Variants in TMTC1 observed in about 807,000 individuals in gnomAD.
The protein encoded by TMTC1 is transmembrane O-mannosyltransferase targeting cadherins 1.
A neutral mutation model predicts 104.8 loss-of-function variants in TMTC1; 73 were observed. The ratio of observed to expected loss-of-function variants is 0.70; its 90% CI spans 0.58 to 0.85. The LOEUF is 0.85. TMTC1 is among the 40% of genes least tolerant of loss of function. The pLI, the probability that TMTC1 is intolerant of heterozygous loss-of-function variation, is 0.00. For synonymous variants in TMTC1, 434 were observed against 428.7 expected (o/e 1.01, Z -0.15); for missense variants, 1,035 against 1,096.1 (o/e 0.94, Z 0.79).
intron 5 of TMTC1, among the ~76,000 whole-genome samples, chr12:29,744,082 G>C (rs993889529): frequency 3.3e-5 from 5 of 152,172 alleles, no homozygotes; most frequent in Admixed American, 6.5e-5. Context: ...AACCAGAAAT[G>C]CCTATGTTCT....
chr12:29,633,477 C>G, intron 5 of TMTC1, 141 bp from the exon 6 acceptor site: 3 of 701,366 alleles, frequency 4.3e-6, no homozygotes, highest in Non-Finnish European at 6.8e-6. Flanking sequence ...AGATGGAAAG[C>G]CATTCACTCA....
intron 7 of TMTC1, among the ~76,000 whole-genome samples, chr12:29,597,352 G>C (rs1204874445): frequency 6.7e-6 from 1 of 150,366 alleles, no homozygotes; most frequent in Non-Finnish European, 1.5e-5. Flanking sequence ...TAAGATGACA[G>C]GTGTGAGCCA....
At chr12:29,766,120 G>A (rs921332071) in intron 2 of TMTC1, among the ~76,000 whole-genome samples, 4 of 152,146 alleles carry the variant, frequency 2.6e-5, no homozygotes, top group Non-Finnish European at 5.9e-5. Context: ...TCCACTTAAA[G>A]GCACCTTGCT....
intron 6 of TMTC1, among the ~76,000 whole-genome samples, chr12:29,608,332 A>G (rs1311070986): frequency 6.6e-6 from 1 of 152,200 alleles, no homozygotes. Flanking sequence ...TACCCTAACA[A>G]AATATGAGGA....
intron 1 of TMTC1, among the ~76,000 whole-genome samples, chr12:29,780,891 A>G (rs1477028375): frequency 6.6e-6 from 1 of 152,214 alleles, no homozygotes; most frequent in Non-Finnish European, 1.5e-5. Flanking sequence ...TTTTGCTCAA[A>G]CAAGCATAAT....
intron 7 of TMTC1, 75 bp downstream of exon 7, chr12:29,604,103 G>A: frequency 6.3e-7 from 1 of 1,586,028 alleles, no homozygotes; most frequent in South Asian, 1.1e-5. Context: ...ACACACAGAA[G>A]ACTGTCTCTC....
intron 2 of TMTC1, among the ~76,000 whole-genome samples, chr12:29,761,252 A>G (rs1471665816): frequency 6.6e-6 from 1 of 151,268 alleles, no homozygotes; most frequent in Admixed American, 6.6e-5. Flanking sequence ...AGAAATGACT[A>G]ATGCTTTCAG....
At position 29,782,525 on chromosome 12, in the gene TMTC1, G is replaced by T. The variant is rs142694588; in HGVS notation, c.302+925C>A. 6.6e-5 allele frequency among the ~76,000 whole-genome samples: 10 copies of T among 152,312 alleles called. No individual in the cohort carries two copies. In the East Asian group the frequency reaches 1.7e-3, roughly 26 times the overall value. On this transcript the variant is annotated intron_variant, in intron 1 of 17. Coordinates refer to ENST00000539277, the MANE Select transcript of TMTC1 (RefSeq NM_001193451.2). Reference sequence around the variant, plus strand: ...TTATTTCAACAGTTTTGACCGGCGCGTTAAAATGAACTTCAATGCTGAGCC... The same window carrying T: ...TTATTTCAACAGTTTTGACCGGCGCTTTAAAATGAACTTCAATGCTGAGCC...
intron 1 of TMTC1, among the ~76,000 whole-genome samples, chr12:29,779,461 T>C (rs542781355): frequency 1.3e-5 from 2 of 151,258 alleles, no homozygotes; most frequent in East Asian, 1.9e-4. Context: ...CTGCAACCCA[T>C]TTCCTCATTT....
At chr12:29,539,673 T>G (rs1592198032) in intron 10 of TMTC1, among the ~76,000 whole-genome samples, 1 of 152,356 alleles carries the variant, frequency 6.6e-6, no homozygotes, top group African/African-American at 2.4e-5. Flanking sequence ...ACCTTACAAA[T>G]CACTGCGTGT....
intron 6 of TMTC1, among the ~76,000 whole-genome samples, chr12:29,604,776 A>G (rs1946654696): frequency 6.6e-6 from 1 of 152,242 alleles, no homozygotes; most frequent in Admixed American, 6.5e-5. Context: ...TAACATCAAG[A>G]AAATCAAATA....
At chr12:29,543,332 T>C (rs1032607112) in intron 10 of TMTC1, among the ~76,000 whole-genome samples, 2 of 152,242 alleles carry the variant, frequency 1.3e-5, no homozygotes, top group African/African-American at 4.8e-5. Flanking sequence ...GGTAAGTTTG[T>C]CAATTTAGAG....
chr12:29,619,886 T>A (rs1947085077), intron 6 of TMTC1, among the ~76,000 whole-genome samples: 1 of 152,228 alleles, frequency 6.6e-6, no homozygotes, highest in Admixed American at 6.5e-5. Flanking sequence ...GTGTTACTAC[T>A]ATTACCTCTT....
chr12:29,594,162 C>G (rs1392371554), intron 7 of TMTC1, among the ~76,000 whole-genome samples: 6 of 152,202 alleles, frequency 3.9e-5, no homozygotes, highest in African/African-American at 1.2e-4. Context: ...GACCTTTGAT[C>G]AAAGCTGAGT....
chr12:29,594,190 C>CA (rs1946351523), intron 7 of TMTC1, among the ~76,000 whole-genome samples: 3 of 152,144 alleles, frequency 2.0e-5, no homozygotes, highest in African/African-American at 7.2e-5. Flanking sequence ...AAACTGCCTC[C>CA]AAAAAATTAG....
intron 6 of TMTC1, among the ~76,000 whole-genome samples, chr12:29,610,212 G>A (rs900704250): frequency 6.6e-6 from 1 of 152,214 alleles, no homozygotes; most frequent in African/African-American, 2.4e-5. Context: ...AAGGATCGGA[G>A]CTCGGGCTGG....
chr12:29,761,693 C>G (rs1188193332), intron 2 of TMTC1, among the ~76,000 whole-genome samples: 1 of 151,666 alleles, frequency 6.6e-6, no homozygotes, highest in Non-Finnish European at 1.5e-5. Context: ...AGGAACAGCT[C>G]AAAAGGGAGA....
At position 29,637,075 on chromosome 12, in the gene TMTC1, C is replaced by G. The variant is rs1312533291; in HGVS notation, c.939-3739G>C. Reference sequence around the variant, plus strand: ...GATCCTGTTTCAAAATGAAACGAAACAAAATGAGAAACACACACACACACA... The same window carrying G: ...GATCCTGTTTCAAAATGAAACGAAAGAAAATGAGAAACACACACACACACA... On this transcript the variant is annotated intron_variant, in intron 5 of 17. Transcript: ENST00000539277. 1.8e-4 allele frequency among the ~76,000 whole-genome samples: 20 copies of G among 110,978 alleles called. No homozygotes were observed. In the Admixed American group the frequency reaches 2.0e-3, roughly 11 times the overall value. The allele number at this position is 110,978 out of a possible 152,430, so 72.8% of individuals were successfully genotyped here. A position where few individuals can be genotyped will look rare whatever the true frequency, so the allele number is the denominator to read the frequency against.
intron 5 of TMTC1, among the ~76,000 whole-genome samples, chr12:29,717,627 C>G (rs1480935422): frequency 2.0e-5 from 3 of 152,100 alleles, no homozygotes; most frequent in Non-Finnish European, 4.4e-5. Flanking sequence ...TTAGAAAATT[C>G]TAAGGGTTTG....
Sources: gnomAD v4.1 joint callset for allele counts (sites outside exome capture counted in the v4.1 genomes callset) on GRCh38, gnomAD v4.1.1 for gene constraint, MANE v1.5 for transcripts, NCBI Gene and HGNC (gene_info 2026-07-23, HGNC 2026-07-21) for gene names.